The following BRINP3 variants were observed in gnomAD, a reference collection of about 807,000 sequenced individuals.
BRINP3 encodes the protein BMP/retinoic acid-inducible neural-specific protein 3.
In BRINP3, 19 loss-of-function variants were observed where a neutral mutation model predicts 71.0. The ratio of observed to expected loss-of-function variants is 0.27; its 90% CI spans 0.19 to 0.39. The LOEUF (loss-of-function observed/expected upper bound fraction) is 0.39, where lower values mean the gene tolerates loss of function less well. Ranked by LOEUF, BRINP3 falls within the 10% of genes least tolerant of loss-of-function variation. The pLI, the probability that BRINP3 is intolerant of heterozygous loss-of-function variation, is 1.00. For synonymous variants in BRINP3, 380 were observed against 337.7 expected, an observed-to-expected ratio of 1.13 and a Z score of -1.37; for missense variants, 959 against 940.8, an observed-to-expected ratio of 1.02 and a Z score of -0.25.
At chr1:190,377,598 A>T (rs1670262581) in intron 2 of BRINP3, among the ~76,000 whole-genome samples, 1 of 148,774 alleles carries the variant, frequency 6.7e-6, no homozygotes, top group Admixed American at 6.7e-5. Context: ...ATATACATAT[A>T]TAATATATAT....
intron 2 of BRINP3, among the ~76,000 whole-genome samples, chr1:190,309,322 A>G (rs540501813): frequency 6.6e-6 from 1 of 152,008 alleles, no homozygotes; most frequent in South Asian, 2.1e-4. Context: ...GTCATTTTTT[A>G]ATAAATAGAT....
intron 2 of BRINP3, 108 bp downstream of exon 2, chr1:190,454,547 C>T (rs1239820972): frequency 2.5e-6 from 2 of 791,532 alleles, no homozygotes; most frequent in South Asian, 1.8e-5. Context: ...AAATAACAAC[C>T]CTTCTGATAA....
chr1:190,464,304 C>G (rs1009225747), intron 1 of BRINP3, among the ~76,000 whole-genome samples: 1 of 151,716 alleles, frequency 6.6e-6, no homozygotes, highest in African/African-American at 2.4e-5. Flanking sequence ...ATTTCAAAGA[C>G]AAATGTCTTG....
intron 1 of BRINP3, among the ~76,000 whole-genome samples, chr1:190,467,129 G>T (rs1230715675): frequency 6.6e-6 from 1 of 151,424 alleles, no homozygotes; most frequent in Non-Finnish European, 1.5e-5. Flanking sequence ...TGAAGAATTA[G>T]ACAACCCTCT....
At chr1:190,425,462 A>G (rs375607695) in intron 2 of BRINP3, among the ~76,000 whole-genome samples, 1 of 151,808 alleles carries the variant, frequency 6.6e-6, no homozygotes, top group Non-Finnish European at 1.5e-5. Context: ...TGGCCAATTT[A>G]TTTCAACAAT....
At chr1:190,246,676 T>C (rs1659643048) in intron 4 of BRINP3, among the ~76,000 whole-genome samples, 1 of 152,090 alleles carries the variant, frequency 6.6e-6, no homozygotes, top group African/African-American at 2.4e-5. Flanking sequence ...TGTTGAGAAT[T>C]TGGCTTTCTG....
intron 2 of BRINP3, among the ~76,000 whole-genome samples, chr1:190,440,182 A>G (rs954499274): frequency 4.6e-5 from 7 of 151,980 alleles, no homozygotes; most frequent in African/African-American, 1.7e-4. Flanking sequence ...AAATCCAACA[A>G]TGGAAATTTC....
rs145152255 is a variant in BRINP3, at chr1:190,289,595, T to G, written c.237-7845A>C. 3.3e-3 allele frequency among the ~76,000 whole-genome samples: 509 copies of G among 152,106 alleles called. 3 individuals carry two copies. Among genetic ancestry groups the G allele is most frequent in the African/African-American group, 0.012 (496 of 41,564 alleles). ...GAATACAATTTTACACACAAACACT[T>G]TATAAAATATTAACAGGTAATTTCA... On this transcript the variant is annotated intron_variant, in intron 2 of 7. Transcript: ENST00000367462.
At chr1:190,351,958 A>G (rs1280688647) in intron 2 of BRINP3, among the ~76,000 whole-genome samples, 1 of 152,038 alleles carries the variant, frequency 6.6e-6, no homozygotes, top group Non-Finnish European at 1.5e-5. Context: ...AGAGGTAAAC[A>G]ATTTCAAACA....
intron 2 of BRINP3, among the ~76,000 whole-genome samples, chr1:190,286,948 G>C (rs1360733937): frequency 6.6e-6 from 1 of 152,018 alleles, no homozygotes; most frequent in East Asian, 1.9e-4. Flanking sequence ...GCTGGGCACA[G>C]TGGCTCATGC....
chr1:190,455,615 T>C (rs1292616900), intron 1 of BRINP3, among the ~76,000 whole-genome samples: 1 of 152,098 alleles, frequency 6.6e-6, no homozygotes, highest in Admixed American at 6.6e-5. Context: ...AGATTTTTTT[T>C]CATTATTCTG....
intron 2 of BRINP3, among the ~76,000 whole-genome samples, chr1:190,307,555 C>T (rs903308421): frequency 1.3e-5 from 2 of 151,790 alleles, no homozygotes; most frequent in African/African-American, 2.4e-5. Context: ...CATAGATGCA[C>T]TTAATATATG....
chr1:190,388,021 A>T (rs1048876479), intron 2 of BRINP3, among the ~76,000 whole-genome samples: 1 of 151,788 alleles, frequency 6.6e-6, no homozygotes, highest in Non-Finnish European at 1.5e-5. Flanking sequence ...TATGTACATT[A>T]ATTAATAATT....
chr1:190,325,183 T>G (rs891499993), intron 2 of BRINP3, among the ~76,000 whole-genome samples: 1 of 151,984 alleles, frequency 6.6e-6, no homozygotes, highest in African/African-American at 2.4e-5. Flanking sequence ...AAATTGTGTA[T>G]TTTCTGTAAT....
intron 2 of BRINP3, among the ~76,000 whole-genome samples, chr1:190,378,039 G>A (rs1670292017): frequency 1.3e-5 from 2 of 151,954 alleles, no homozygotes; most frequent in Admixed American, 1.3e-4. Flanking sequence ...AATTAATATG[G>A]AATCTCAGGG....
rs577335725 is a variant in BRINP3 at position 190,182,760 on chromosome 1, G to A, written c.962-21870C>T. 4.4e-4 allele frequency among the ~76,000 whole-genome samples: 67 copies of A among 152,192 alleles called. 1 individual carries two copies. The South Asian group carries it at 0.014, about 31-fold the overall frequency. ...TTTAGCATGAGGAAAACCCTTACCAGAAAGACAAACAATGTGATGTAGCGT... is the reference window on the plus strand; with the variant it reads ...TTTAGCATGAGGAAAACCCTTACCAAAAAGACAAACAATGTGATGTAGCGT... On this transcript the variant is annotated intron_variant, in intron 6 of 7. Coordinates refer to ENST00000367462, the MANE Select transcript of BRINP3 (RefSeq NM_199051.3).
chr1:190,285,294 T>A (rs1663333890), intron 2 of BRINP3, among the ~76,000 whole-genome samples: 1 of 152,126 alleles, frequency 6.6e-6, no homozygotes, highest in Non-Finnish European at 1.5e-5. Flanking sequence ...CTGATGACAT[T>A]TTAAGTCACC....
chr1:190,220,096 G>A (rs1012717618), intron 6 of BRINP3, among the ~76,000 whole-genome samples: 3 of 152,036 alleles, frequency 2.0e-5, no homozygotes, highest in East Asian at 1.9e-4. Flanking sequence ...GGTATAGAAC[G>A]ATCTGGGAAT....
chr1:190,282,098 C>A (rs1048023382), intron 2 of BRINP3, among the ~76,000 whole-genome samples: 1 of 151,644 alleles, frequency 6.6e-6, no homozygotes, highest in Non-Finnish European at 1.5e-5. Context: ...TTTTCATTTT[C>A]TAAGGTATAT....
Sources: allele counts gnomAD v4.1 joint callset (sites outside exome capture counted in the v4.1 genomes callset), GRCh38; gene constraint gnomAD v4.1.1; transcripts MANE v1.5; gene names NCBI Gene and HGNC (gene_info 2026-07-23, HGNC 2026-07-21).